MAP3K2: variants seen among roughly 807,000 people sequenced by gnomAD.
MAP3K2 encodes the protein MAP/ERK kinase kinase 2.
Under a neutral mutation model 80.3 loss-of-function variants are expected in MAP3K2, and 24 were observed. The ratio of observed to expected loss-of-function variants is 0.30; its 90% CI spans 0.22 to 0.42. The LOEUF (loss-of-function observed/expected upper bound fraction) is 0.42. Among genes scored for constraint, MAP3K2 ranks in the 10% least tolerant of loss-of-function variants. The pLI is 1.00. For missense variants in MAP3K2, 608 were observed against 750.1 expected (o/e 0.81, Z 2.21); for synonymous variants, 244 against 253.7 (o/e 0.96, Z 0.36).
intron 15 of MAP3K2, among the ~76,000 whole-genome samples, chr2:127,313,644 G>A (rs1685848772): frequency 6.6e-6 from 1 of 152,132 alleles, no homozygotes; most frequent in African/African-American, 2.4e-5. Context: ...CACATTTACA[G>A]TAATACATTG....
intron 5 of MAP3K2, among the ~76,000 whole-genome samples, chr2:127,332,494 T>C (rs915120198): frequency 2.0e-5 from 3 of 152,252 alleles, no homozygotes; most frequent in African/African-American, 7.2e-5. Flanking sequence ...GTGCAGCAGC[T>C]TAGGCACTTG....
chr2:127,319,753 C>T (rs749674020), intron 12 of MAP3K2, among the ~76,000 whole-genome samples: 6 of 149,376 alleles, frequency 4.0e-5, no homozygotes, highest in Non-Finnish European at 5.9e-5. Flanking sequence ...GCGGGAGAAT[C>T]GCTTGAACCC....
intron 1 of MAP3K2, 148 bp from the exon 2 acceptor site, chr2:127,343,342 T>C (rs971526534): frequency 1.4e-5 from 7 of 483,248 alleles, no homozygotes; most frequent in African/African-American, 3.9e-5. Flanking sequence ...GTGTTTTATA[T>C]TGAAGGTTGA....
rs376339138 is a variant in MAP3K2 at position 127,329,925 on chromosome 2, T to C, written c.462A>G (p.Ile154Met). 7.0e-6 allele frequency: 11 copies of C among 1,571,440 alleles called. No individual in the cohort carries two copies. The highest frequency in any genetic ancestry group is 4.5e-5 in the East Asian group (2 of 44,572). The stretch of plus-strand genomic sequence containing the variant: ...ATTCAGACACTAGTTTCTTACCTAT[T>C]ATAGATAGCCGTTTTTTCCTCTCTG... ...FGAERKKRLS[I>M]IGPTSRDRSS... Residue 154 changes from isoleucine (I) to methionine (M), a missense_variant, in exon 7 of 17, where the codon ATA (isoleucine) becomes ATG (methionine). Physicochemically the swap from Ile to Met is conservative, Grantham distance 10. This residue lies in a region of MAP3K2 where 467 missense variants were observed against 521.9 expected (regional missense o/e 0.89). Transcript: ENST00000682094.
intron 1 of MAP3K2, among the ~76,000 whole-genome samples, chr2:127,346,138 C>A (rs10928763): frequency 0.98 from 149,359 of 151,860 alleles, 73,505 homozygotes; most frequent in East Asian, 1. Context: ...TTCAAGAATT[C>A]AAAAGGGAGC....
chr2:127,388,059 G>C, upstream of MAP3K2: 1 of 983,702 alleles, frequency 1.0e-6, no homozygotes, highest in Non-Finnish European at 1.2e-6. Context: ...CCCGCCGCGG[G>C]CGCGCGCCCG....
Position 127,376,575 on chromosome 2 carries a change from G to A in MAP3K2, c.-66+10877C>T, listed in dbSNP as rs76886029. 5.2e-3 allele frequency among the ~76,000 whole-genome samples: 787 copies of A among 152,224 alleles called. 3 individuals carry two copies. Among genetic ancestry groups the A allele is most frequent in the Middle Eastern group, 6.8e-3 (2 of 294 alleles). On this transcript the variant is annotated intron_variant, in intron 1 of 16. Coordinates refer to ENST00000682094, the MANE Select transcript of MAP3K2 (RefSeq NM_001371910.2). ...TCTGCGGGTTGGACCCAGCAGTTCC[G>A]TACAGGGGCTGCTCCCATGTGAGGT...
chr2:127,373,250 C>A (rs1240304500), intron 1 of MAP3K2, among the ~76,000 whole-genome samples: 1 of 152,166 alleles, frequency 6.6e-6, no homozygotes, highest in Non-Finnish European at 1.5e-5. Flanking sequence ...GCAGCCCCAA[C>A]AGAGCCAGTG....
chr2:127,388,075 G>C (rs1687411481), upstream of MAP3K2: 3 of 983,914 alleles, frequency 3.0e-6, no homozygotes, highest in South Asian at 1.4e-4. Flanking sequence ...GCCCGGCCCA[G>C]GGGAGTGGGT....
At chr2:127,320,635 G>A (rs985094479) in intron 12 of MAP3K2, among the ~76,000 whole-genome samples, 6 of 152,172 alleles carry the variant, frequency 3.9e-5, no homozygotes, top group African/African-American at 1.4e-4. Flanking sequence ...ACACCAGCTG[G>A]GAACCCTACA....
rs115066610 is a variant in MAP3K2, at chr2:127,312,370, C to T, written c.1456+2384G>A. 2.3e-3 allele frequency among the ~76,000 whole-genome samples: 356 copies of T among 152,254 alleles called. 1 individual carries two copies. The highest frequency in any genetic ancestry group is 7.7e-3 in the African/African-American group (321 of 41,542). ...CATCCTAGGTTTCATTATGACTTCACGGGTCTAAATTGAAAACCAATCAAC... is the reference window on the plus strand; with the variant it reads ...CATCCTAGGTTTCATTATGACTTCATGGGTCTAAATTGAAAACCAATCAAC... On this transcript the variant is annotated intron_variant, in intron 15 of 16. Coordinates refer to ENST00000682094, the MANE Select transcript of MAP3K2 (RefSeq NM_001371910.2).
At chr2:127,355,943 A>G (rs1573999817) in intron 1 of MAP3K2, among the ~76,000 whole-genome samples, 1 of 152,254 alleles carries the variant, frequency 6.6e-6, no homozygotes, top group African/African-American at 2.4e-5. Flanking sequence ...CAGCATCTTC[A>G]CCAGGAGTAG....
At chr2:127,326,598 TAC>T (rs1167063823) in intron 8 of MAP3K2, 87 bp downstream of exon 8, 371 of 893,992 alleles carry the variant, frequency 4.1e-4, no homozygotes, top group South Asian at 5.3e-4. Flanking sequence ...GAAGAGATAA[TAC>T]ACACACACAC....
At chr2:127,329,366 C>CTTTTTTT (rs10625897) in intron 7 of MAP3K2, among the ~76,000 whole-genome samples, 2 of 146,420 alleles carry the variant, frequency 1.4e-5, no homozygotes, top group Admixed American at 6.8e-5. Context: ...CAATTAAAAC[C>CTTTTTTT]TTTTTTTTTG....
rs1280534973 is a variant in MAP3K2, at chr2:127,329,935, C to T, written c.452G>A (p.Arg151Gln). Residue 151 changes from arginine (R) to glutamine (Q), a missense_variant, in exon 7 of 17, where the codon CGG becomes CAG. Around this residue, in one of 4 missense-constraint regions of MAP3K2, gnomAD observed 467 missense variants for 521.9 expected, o/e 0.89. Transcript: ENST00000682094. ...TAGTTTCTTACCTATTATAGATAGCCGTTTTTTCCTCTCTGCTCCAAATAC... is the reference window on the plus strand; with the variant it reads ...TAGTTTCTTACCTATTATAGATAGCTGTTTTTTCCTCTCTGCTCCAAATAC... The part of the protein sequence containing the change: ...NTVFGAERKK[R>Q]LSIIGPTSRD... 14 of 1,596,354 alleles carry T rather than the reference C, an allele frequency of 8.8e-6. No homozygotes were observed. The highest frequency in any genetic ancestry group is 5.0e-5 in the Admixed American group (3 of 59,726).
In MAP3K2 at chr2:127,329,929, G is replaced by C. The variant is rs560246081; in HGVS notation, c.458C>G (p.Ser153Cys). Residue 153 changes from serine (S) to cysteine (C), a missense_variant, in exon 7 of 17, where the codon TCT becomes TGT. Ser to Cys is a moderately radical substitution (Grantham distance 112). Transcript: ENST00000682094. ...VFGAERKKRL[S>C]IIGPTSRDRS... The stretch of plus-strand genomic sequence containing the variant: ...AGACACTAGTTTCTTACCTATTATA[G>C]ATAGCCGTTTTTTCCTCTCTGCTCC... The C allele has an allele frequency of 6.3e-7, 1 of 1,585,276 alleles. No homozygotes were observed. The highest frequency in any genetic ancestry group is 8.7e-7 in the Non-Finnish European group (1 of 1,155,010).
Position 127,303,412 on chromosome 2 carries a change from A to C in MAP3K2, c.*4167T>G, listed in dbSNP as rs1400689192. ...CTGTTGAGTAGAGGCTGGGTTTTGC[A>C]GTAAGAGGGGGTCCTGAGAGAGATG... On this transcript the variant is annotated 3_prime_UTR_variant, in exon 17 of 17. Coordinates refer to ENST00000682094, the MANE Select transcript of MAP3K2 (RefSeq NM_001371910.2). 3.3e-5 allele frequency: 5 copies of C among 151,694 alleles called. No individual in the cohort carries two copies. Among genetic ancestry groups the C allele is most frequent in the Admixed American group, 2.6e-4 (4 of 15,238 alleles). 9.4% of individuals were successfully genotyped at this position (151,694 alleles called of 1,614,324 possible).
intron 15 of MAP3K2, 77 bp downstream of exon 15, chr2:127,314,677 G>T: frequency 8.6e-7 from 1 of 1,157,588 alleles, no homozygotes; most frequent in Non-Finnish European, 1.3e-6. Context: ...AATGTTAAAT[G>T]TCTTACCCAC....
intron 15 of MAP3K2, among the ~76,000 whole-genome samples, chr2:127,311,208 G>A (rs1685801723): frequency 6.6e-6 from 1 of 152,184 alleles, no homozygotes; most frequent in South Asian, 2.1e-4. Context: ...AACATGCCAT[G>A]ACATTAGTGA....
Sources: gnomAD v4.1 joint callset for allele counts (sites outside exome capture counted in the v4.1 genomes callset) on GRCh38, gnomAD v4.1.1 for gene constraint, gnomAD v4.1.1 regional missense constraint, MANE v1.5 for transcripts, NCBI Gene and HGNC (gene_info 2026-07-23, HGNC 2026-07-21) for gene names.